Variants in ATP2B4 observed in about 807,000 individuals in gnomAD.
The protein encoded by ATP2B4 is plasma membrane calcium-transporting ATPase 4.
In ATP2B4, 39 loss-of-function variants were observed where a neutral mutation model predicts 110.3. That is an observed-to-expected ratio of 0.35 (90% CI 0.27 to 0.46). The LOEUF is 0.46. ATP2B4 is among the 20% of genes least tolerant of loss of function. ATP2B4 has a pLI of 1.00. For missense variants in ATP2B4, 1,135 were observed against 1,530.9 expected, an observed-to-expected ratio of 0.74 and a Z score of 4.32; for synonymous variants, 538 against 571.7, an observed-to-expected ratio of 0.94 and a Z score of 0.84.
Position 203,734,161 on chromosome 1 carries a change from C to T in ATP2B4, c.3310-5385C>T, listed in dbSNP as rs1269535274. Reference sequence around the variant, plus strand: ...CTAAAAATACAAAAAATTAGCTGGGCGTGGTGGCGGGCACCTGTAGTCCTA... The same window carrying T: ...CTAAAAATACAAAAAATTAGCTGGGTGTGGTGGCGGGCACCTGTAGTCCTA... On this transcript the variant is annotated intron_variant, in intron 20 of 20. Transcript: ENST00000357681. Among the ~76,000 whole-genome samples, 6 of 151,936 alleles carry T rather than the reference C, an allele frequency of 3.9e-5. No individual in the cohort carries two copies. In the South Asian group the frequency reaches 6.2e-4, roughly 16 times the overall value.
intron 20 of ATP2B4, among the ~76,000 whole-genome samples, chr1:203,733,829 C>T (rs1349455335): frequency 6.6e-6 from 1 of 152,134 alleles, no homozygotes; most frequent in Non-Finnish European, 1.5e-5. Flanking sequence ...GAGGAAAACC[C>T]AAGAGCTTTC....
rs535684799 is a variant in ATP2B4, at chr1:203,680,506, G to A, written c.-464-2236G>A. 3.8e-4 allele frequency among the ~76,000 whole-genome samples: 57 copies of A among 151,990 alleles called. 1 individual carries two copies. In the East Asian group the frequency reaches 0.011, roughly 29 times the overall value. On this transcript the variant is annotated intron_variant, in intron 1 of 20. Transcript: ENST00000357681. ...CGCCTGTGGTCCCAGCCACTCGGGA[G>A]GCTGAGGCAGGAGAATGGCGTGAAC...
chr1:203,727,867 CATAAGG>C, intron 20 of ATP2B4: 1 of 398,578 alleles, frequency 2.5e-6, no homozygotes, highest in Non-Finnish European at 4.6e-6. Flanking sequence ...CAAGCTTCAG[CATAAGG>C]TCTCTTGCAA....
chr1:203,709,707 G>A (rs1377350445), intron 11 of ATP2B4, among the ~76,000 whole-genome samples, 165 bp downstream of exon 11: 1 of 152,178 alleles, frequency 6.6e-6, no homozygotes, highest in Non-Finnish European at 1.5e-5. Context: ...TTTTTTAAGT[G>A]CTTAAGGTGG....
At position 203,723,457 on chromosome 1, in the gene ATP2B4, T is replaced by TCTCC. The variant is rs1553251106; in HGVS notation, c.3025-420_3025-417dup. ...CTCTCTCTCTCTCTCTCTCTCTCTC[T>TCTCC]CTCCCTCTGCCTCTCTCTCTCTCTC... On this transcript the variant is annotated intron_variant, in intron 18 of 20. Coordinates refer to ENST00000357681, the MANE Select transcript of ATP2B4 (RefSeq NM_001684.5). 4.4e-3 allele frequency among the ~76,000 whole-genome samples: 504 copies of TCTCC among 113,568 alleles called. 3 individuals are homozygous for TCTCC. Among genetic ancestry groups the TCTCC allele is most frequent in the Non-Finnish European group, 6.6e-3 (379 of 57,208 alleles). The allele number at this position is 113,568 out of a possible 152,430, so 74.5% of individuals were successfully genotyped here.
intron 1 of ATP2B4, among the ~76,000 whole-genome samples, chr1:203,653,978 TATATA>T (rs777147434): frequency 0.72 from 82,414 of 113,972 alleles, 31,590 homozygotes; most frequent in Non-Finnish European, 0.86. Context: ...TATATATATA[TATATA>T]TATTTTTTTT....
At chr1:203,669,300 A>G (rs150411887) in intron 1 of ATP2B4, among the ~76,000 whole-genome samples, 159 of 152,326 alleles carry the variant, frequency 1.0e-3, no homozygotes, top group African/African-American at 3.4e-3. Flanking sequence ...GCCATCAACC[A>G]TTCATTCAGT....
intron 2 of ATP2B4, among the ~76,000 whole-genome samples, chr1:203,696,797 T>C (rs1665545459): frequency 6.6e-6 from 1 of 152,100 alleles, no homozygotes; most frequent in African/African-American, 2.4e-5. Flanking sequence ...TATATCTGTG[T>C]GGTATGTATT....
rs1204945892 is a variant in ATP2B4, at chr1:203,714,306, G to A, written c.2406+29G>A. The A allele has an allele frequency of 3.1e-6, 5 of 1,611,600 alleles. No homozygotes were observed. In the East Asian group the frequency reaches 8.9e-5, roughly 29 times the overall value. ...AGCTCAGCACAGTGTCTCTCTGATT[G>A]CAAGCTGCCTTCTCCATCAGGAAGC... On this transcript the variant is annotated intron_variant, in intron 15 of 20. Transcript: ENST00000357681.
At chr1:203,633,911 G>A (rs1404097440) in intron 1 of ATP2B4, among the ~76,000 whole-genome samples, 7 of 152,066 alleles carry the variant, frequency 4.6e-5, no homozygotes, top group South Asian at 4.2e-4. Context: ...TTAGCCGGGC[G>A]TGGTAGTGCA....
intron 2 of ATP2B4, among the ~76,000 whole-genome samples, chr1:203,694,210 T>C (rs908821621): frequency 6.6e-6 from 1 of 152,192 alleles, no homozygotes; most frequent in Non-Finnish European, 1.5e-5. Context: ...TTCTACAAAT[T>C]TGTGTGTGTA....
chr1:203,718,230 TATAG>T (rs1237852763), intron 15 of ATP2B4, among the ~76,000 whole-genome samples: 4 of 151,972 alleles, frequency 2.6e-5, no homozygotes, highest in Non-Finnish European at 5.9e-5. Flanking sequence ...TTTAAAGAAT[TATAG>T]ATGTCTAACT....
intron 1 of ATP2B4, among the ~76,000 whole-genome samples, chr1:203,653,934 TCATCTATTTA>T (rs1470635763): frequency 1.3e-5 from 2 of 150,778 alleles, no homozygotes; most frequent in Non-Finnish European, 2.9e-5. Context: ...GGATGACAGC[TCATCTATTTA>T]CAGCATGGTT....
intron 1 of ATP2B4, among the ~76,000 whole-genome samples, chr1:203,651,084 T>C (rs1663978077): frequency 6.6e-6 from 1 of 152,158 alleles, no homozygotes; most frequent in East Asian, 1.9e-4. Context: ...CTTGACTGTG[T>C]TGTTAAATGG....
At chr1:203,726,749 T>C (rs1403596597) in intron 19 of ATP2B4, among the ~76,000 whole-genome samples, 2 of 152,190 alleles carry the variant, frequency 1.3e-5, no homozygotes, top group African/African-American at 4.8e-5. Context: ...CCGGGAAATT[T>C]ATTTCAAATT....
intron 20 of ATP2B4, 109 bp downstream of exon 20, chr1:203,727,680 C>A: frequency 1.5e-6 from 2 of 1,363,544 alleles, no homozygotes; most frequent in South Asian, 1.4e-5. Context: ...CTTCCAAAGG[C>A]TCACTACTGA....
intron 2 of ATP2B4, among the ~76,000 whole-genome samples, chr1:203,685,178 C>T (rs535352624): frequency 3.7e-4 from 56 of 152,326 alleles, no homozygotes; most frequent in Middle Eastern, 3.4e-3. Flanking sequence ...GCTAAAAAAA[C>T]TTAAAAGATA....
intron 7 of ATP2B4, among the ~76,000 whole-genome samples, chr1:203,703,168 A>G (rs1665745764): frequency 1.2e-5 from 1 of 83,638 alleles, no homozygotes; most frequent in African/African-American, 5.5e-5. Flanking sequence ...GACAATCGAG[A>G]GAGAGAGAGA....
rs1666954397 is a variant in ATP2B4, at chr1:203,739,607, A to C, written c.3371A>C (p.Gln1124Pro). The C allele has an allele frequency of 5.0e-6, 8 of 1,614,166 alleles. No individual in the cohort carries two copies. The highest frequency in any genetic ancestry group is 6.8e-6 in the Non-Finnish European group (8 of 1,180,026). Reference protein sequence around the residue: ...LHESIQKPYNQKSIHSFMTHP... With the variant: ...LHESIQKPYNPKSIHSFMTHP... ...GAAAGCATTCAGAAACCCTACAACCAAAAGTCCATCCACAGCTTCATGACC... is the reference window on the plus strand; with the variant it reads ...GAAAGCATTCAGAAACCCTACAACCCAAAGTCCATCCACAGCTTCATGACC... Residue 1124 changes from glutamine (Q) to proline (P), a missense_variant, in exon 21 of 21, where the codon CAA (glutamine) becomes CCA (proline). Gln to Pro is a moderately conservative substitution (Grantham distance 76). Coordinates refer to ENST00000357681, the MANE Select transcript of ATP2B4 (RefSeq NM_001684.5).
Sources: gnomAD v4.1 joint callset for allele counts (sites outside exome capture counted in the v4.1 genomes callset) on GRCh38, gnomAD v4.1.1 for gene constraint, MANE v1.5 for transcripts, NCBI Gene and HGNC (gene_info 2026-07-23, HGNC 2026-07-21) for gene names.